TMEM132D: variants seen among roughly 807,000 people sequenced by gnomAD.
TMEM132D encodes the protein mature OL transmembrane protein.
In TMEM132D, 21 loss-of-function variants were observed where a neutral mutation model predicts 62.3. The observed-to-expected ratio is 0.34, with a 90% CI of 0.24 to 0.49. The LOEUF (loss-of-function observed/expected upper bound fraction) is 0.49. Ranked by LOEUF, TMEM132D falls within the 20% of genes least tolerant of loss-of-function variation. TMEM132D has a pLI of 0.99. For missense variants in TMEM132D, 1,346 were observed against 1,402.8 expected (o/e 0.96, Z 0.65); for synonymous variants, 621 against 575.6 (o/e 1.08, Z -1.13).
intron 5 of TMEM132D, among the ~76,000 whole-genome samples, chr12:129,117,738 C>G (rs1182923778): frequency 6.6e-6 from 1 of 152,202 alleles, no homozygotes; most frequent in Non-Finnish European, 1.5e-5. Context: ...AGGAAGTATA[C>G]TAATAACAAA....
At chr12:129,159,001 GA>G (rs1877323150) in intron 5 of TMEM132D, among the ~76,000 whole-genome samples, 1 of 152,188 alleles carries the variant, frequency 6.6e-6, no homozygotes, top group Non-Finnish European at 1.5e-5. Context: ...ATGCATGGGA[GA>G]AACCACCTCC....
intron 2 of TMEM132D, among the ~76,000 whole-genome samples, chr12:129,565,573 G>T (rs1186986807): frequency 6.6e-6 from 1 of 152,206 alleles, no homozygotes; most frequent in Non-Finnish European, 1.5e-5. Flanking sequence ...AAAGCCCTTG[G>T]CTGAGAGGAG....
At chr12:129,601,255 C>A (rs533236411) in intron 2 of TMEM132D, among the ~76,000 whole-genome samples, 2 of 152,134 alleles carry the variant, frequency 1.3e-5, no homozygotes, top group African/African-American at 4.8e-5. Flanking sequence ...CCTCATTGCC[C>A]CCAGCCTTCA....
intron 3 of TMEM132D, among the ~76,000 whole-genome samples, chr12:129,404,681 G>C (rs1236303451): frequency 6.6e-6 from 1 of 152,082 alleles, no homozygotes; most frequent in Non-Finnish European, 1.5e-5. Flanking sequence ...GGGGGCAGGG[G>C]GGTGTAGGGG....
chr12:129,803,630 C>G (rs1166066446), intron 1 of TMEM132D, among the ~76,000 whole-genome samples: 5 of 150,030 alleles, frequency 3.3e-5, no homozygotes, highest in Admixed American at 6.6e-5. Context: ...ATTAAAAGAA[C>G]TAGAAAAGCA....
chr12:129,827,937 T>A lies in TMEM132D; in HGVS notation c.79+75324A>T, dbSNP rs1417214838. Among the ~76,000 whole-genome samples the A allele has an allele frequency of 2.0e-5, 3 of 152,204 alleles. No homozygotes were observed. The highest frequency in any genetic ancestry group is 2.9e-5 in the Non-Finnish European group (2 of 68,042). ...GGCCACATGTTTGTTTATATTAATG[T>A]TAATAACTTGCTAAGTAATGATAAA... On this transcript the variant is annotated intron_variant, in intron 1 of 8. Coordinates refer to ENST00000422113, the MANE Select transcript of TMEM132D (RefSeq NM_133448.3). The surrounding 1 kb of genome is among the most constrained non-coding windows in gnomAD (Gnocchi z 9.7).
At chr12:129,397,951 A>G (rs1373134082) in intron 3 of TMEM132D, among the ~76,000 whole-genome samples, 2 of 152,192 alleles carry the variant, frequency 1.3e-5, no homozygotes, top group Non-Finnish European at 2.9e-5. Flanking sequence ...ACCTCTCTAC[A>G]TGGGAAAATC....
rs773587041 is a variant in TMEM132D, at chr12:129,699,878, C to T, written c.900G>A (p.Arg300=). 6.2e-7 allele frequency: 1 copy of T among 1,614,216 alleles called. No individual in the cohort carries two copies. Among genetic ancestry groups the T allele is most frequent in the Non-Finnish European group, 8.5e-7 (1 of 1,180,052 alleles). Residue 300 remains arginine (R), a synonymous_variant, in exon 2 of 9, where the codon AGG becomes AGA. Coordinates refer to ENST00000422113, the MANE Select transcript of TMEM132D (RefSeq NM_133448.3). ...CAGGAAAAGTCAGCACGTCTCCTTT[C>T]CTCACGGTCTTTGGTATATAGTGGA... The part of the protein sequence containing the change: ...VAIHYIPKTV[R]KGDVLTFPVS...
intron 1 of TMEM132D, among the ~76,000 whole-genome samples, chr12:129,851,498 G>A (rs1873541384): frequency 6.6e-6 from 1 of 152,176 alleles, no homozygotes; most frequent in Non-Finnish European, 1.5e-5. Flanking sequence ...GAACTGTAGT[G>A]ACATGCAAAG....
chr12:129,321,451 A>G (rs745843209), intron 4 of TMEM132D, among the ~76,000 whole-genome samples: 2 of 152,212 alleles, frequency 1.3e-5, no homozygotes, highest in Non-Finnish European at 2.9e-5. Context: ...GAAAGCTTCT[A>G]ATATTCCATG....
intron 1 of TMEM132D, among the ~76,000 whole-genome samples, chr12:129,747,151 C>T (rs796259143): frequency 6.8e-4 from 19 of 27,738 alleles, no homozygotes; most frequent in African/African-American, 1.5e-3. Context: ...CTGAGCCCAT[C>T]CGGTTCCCGT....
Position 129,764,271 on chromosome 12 carries a change from C to A in TMEM132D, c.80-63573G>T, listed in dbSNP as rs149894150. ...TATATAATTACAATTTGTGTTGATACCCCTTCAGCATAGGAAAGGAAGAAG... is the reference window on the plus strand; with the variant it reads ...TATATAATTACAATTTGTGTTGATAACCCTTCAGCATAGGAAAGGAAGAAG... On this transcript the variant is annotated intron_variant, in intron 1 of 8. Coordinates refer to ENST00000422113, the MANE Select transcript of TMEM132D (RefSeq NM_133448.3). Among the ~76,000 whole-genome samples, 30 of 152,222 alleles carry A rather than the reference C, an allele frequency of 2.0e-4. 1 individual carries two copies. In the East Asian group the frequency reaches 5.6e-3, roughly 28 times the overall value.
chr12:129,352,568 A>G (rs924017413), intron 3 of TMEM132D, among the ~76,000 whole-genome samples: 4 of 152,298 alleles, frequency 2.6e-5, no homozygotes, highest in African/African-American at 9.6e-5. Flanking sequence ...TTACAAGAAA[A>G]AAACAAACAT....
Position 129,335,127 on chromosome 12 carries a change from C to CTTTTT in TMEM132D, c.1299+2502_1299+2506dup, listed in dbSNP as rs386378228. 7.3e-4 allele frequency among the ~76,000 whole-genome samples: 76 copies of CTTTTT among 104,662 alleles called. 1 individual carries two copies. The East Asian group carries it at 7.8e-3, about 11-fold the overall frequency. 68.7% of individuals were successfully genotyped at this position (104,662 alleles called of 152,430 possible). On this transcript the variant is annotated intron_variant, in intron 4 of 8. Coordinates refer to ENST00000422113, the MANE Select transcript of TMEM132D (RefSeq NM_133448.3). ...TATAGGCTGGGTACTCTAATAAGTA[C>CTTTTT]TTTTTTTTTTTTTTTTTTTTTTGAG...
At chr12:129,235,695 T>C (rs990156942) in intron 4 of TMEM132D, among the ~76,000 whole-genome samples, 1 of 152,198 alleles carries the variant, frequency 6.6e-6, no homozygotes, top group African/African-American at 2.4e-5. Context: ...CCATATGTCT[T>C]CATTTCTTTT....
At chr12:129,898,374 A>G (rs1875220155) in intron 1 of TMEM132D, among the ~76,000 whole-genome samples, 1 of 152,242 alleles carries the variant, frequency 6.6e-6, no homozygotes, top group Non-Finnish European at 1.5e-5. Flanking sequence ...AGAACTTAAA[A>G]TTTAGGAGAG....
In TMEM132D at chr12:129,074,669, T is replaced by TC; in HGVS notation, c.2505dup (p.Ser836GlufsTer39). 1 of 1,614,094 alleles carries TC rather than the reference T, an allele frequency of 6.2e-7. No individual in the cohort carries two copies. The highest frequency in any genetic ancestry group is 8.5e-7 in the Non-Finnish European group (1 of 1,180,004). ...CTGCCATAGTACTGTCCTTCCTGACTCCCCCATTCCTGCGAGGGTTTTTTG... is the reference window on the plus strand; with the variant it reads ...CTGCCATAGTACTGTCCTTCCTGACTCCCCCCATTCCTGCGAGGGTTTTTTG... On this transcript the variant is annotated frameshift_variant, in exon 9 of 9. Transcript: ENST00000422113. LOFTEE classifies it low-confidence loss of function (END_TRUNC).
intron 5 of TMEM132D, among the ~76,000 whole-genome samples, chr12:129,208,262 A>G (rs1241803280): frequency 6.6e-6 from 1 of 152,152 alleles, no homozygotes; most frequent in Non-Finnish European, 1.5e-5. Context: ...ACAGGATTTG[A>G]TGAAGGCTTG....
At position 129,319,306 on chromosome 12, in the gene TMEM132D, G is replaced by A. The variant is rs577100870; in HGVS notation, c.1299+18328C>T. ...GCTGCTTCCTCTACCCCTGTATTTC[G>A]CTTGGCTCTCTAACTTGACTCAGCC... is the stretch of plus-strand genomic sequence containing the variant. On this transcript the variant is annotated intron_variant, in intron 4 of 8. Coordinates refer to ENST00000422113, the MANE Select transcript of TMEM132D (RefSeq NM_133448.3). 2.6e-4 allele frequency among the ~76,000 whole-genome samples: 40 copies of A among 152,220 alleles called. 1 individual carries two copies. The South Asian group carries it at 6.8e-3, about 26-fold the overall frequency.
Sources: allele counts gnomAD v4.1 joint callset (sites outside exome capture counted in the v4.1 genomes callset), GRCh38; gene constraint gnomAD v4.1.1; non-coding constraint Gnocchi (gnomAD v3.1); transcripts MANE v1.5; gene names NCBI Gene and HGNC (gene_info 2026-07-23, HGNC 2026-07-21).